The following KAZN variants were observed in gnomAD, a reference collection of about 807,000 sequenced individuals.
The protein encoded by KAZN is kazrin, periplakin interacting protein, also known as kazrin.
Under a neutral mutation model 87.4 loss-of-function variants are expected in KAZN, and 40 were observed. The observed-to-expected ratio is 0.46, with a 90% CI of 0.36 to 0.60. KAZN has a LOEUF of 0.60. Among genes scored for constraint, KAZN ranks in the 20% least tolerant of loss-of-function variants. KAZN has a pLI of 0.00. For missense variants in KAZN, 898 were observed against 1,073.9 expected (o/e 0.84, Z 2.29); for synonymous variants, 466 against 458.3 (o/e 1.02, Z -0.22).
chr1:14,685,195 T>A (rs142129483), intron 1 of KAZN, among the ~76,000 whole-genome samples: 57 of 152,342 alleles, frequency 3.7e-4, no homozygotes, highest in African/African-American at 1.4e-3. Flanking sequence ...TGAGTTTCCA[T>A]GCCAGCTCCC....
At chr1:14,324,640 C>T (rs76834592) in intron 2 of KAZN, among the ~76,000 whole-genome samples, 3,506 of 152,008 alleles carry the variant, frequency 0.023, 140 homozygotes, top group African/African-American at 0.08. Flanking sequence ...TATGGAGTGC[C>T]ATTCTACCAA....
At chr1:14,550,885 T>C (rs1286529091) in intron 2 of KAZN, among the ~76,000 whole-genome samples, 3 of 150,798 alleles carry the variant, frequency 2.0e-5, no homozygotes, top group Non-Finnish European at 3.0e-5. Context: ...CCTTGAACAG[T>C]GAACCACCCC....
chr1:15,030,235 C>T (rs1288553659), intron 2 of KAZN, among the ~76,000 whole-genome samples: 7 of 152,112 alleles, frequency 4.6e-5, no homozygotes, highest in African/African-American at 1.2e-4. Flanking sequence ...GCCTTCTGAC[C>T]GGGATGCATC....
chr1:14,538,506 G>A (rs1054842817), intron 2 of KAZN, among the ~76,000 whole-genome samples: 3 of 152,154 alleles, frequency 2.0e-5, no homozygotes, highest in Admixed American at 2.0e-4. Flanking sequence ...TGCATTCTCC[G>A]AGGGGAGAAA....
Position 15,021,396 on chromosome 1 carries a change from C to T in KAZN, c.419-13353C>T, listed in dbSNP as rs893847540. Among the ~76,000 whole-genome samples the T allele has an allele frequency of 1.3e-5, 2 of 152,234 alleles. No individual in the cohort carries two copies. Among genetic ancestry groups the T allele is most frequent in the South Asian group, 2.1e-4 (1 of 4,828 alleles). On this transcript the variant is annotated intron_variant, in intron 2 of 14. Transcript: ENST00000376030. This position sits in a 1 kb window ranked among gnomAD's most constrained non-coding sequence, Gnocchi z 4.2. ...AATGTCCGTGTTCCGGGCCCATTCC[C>T]TGCCACTATTTTTAGTGGTGATTGG...
intron 1 of KAZN, among the ~76,000 whole-genome samples, chr1:14,030,543 C>T (rs948434692): frequency 6.6e-6 from 1 of 151,706 alleles, no homozygotes; most frequent in African/African-American, 2.4e-5. Flanking sequence ...AACTAACCCG[C>T]ACAATGTGCA....
intron 2 of KAZN, among the ~76,000 whole-genome samples, chr1:14,525,712 T>A (rs574493672): frequency 6.6e-6 from 1 of 152,272 alleles, no homozygotes; most frequent in African/African-American, 2.4e-5. Context: ...TTGTTTGGCT[T>A]ACCAGATCAA....
intron 2 of KAZN, among the ~76,000 whole-genome samples, chr1:14,539,836 T>G (rs1672706261): frequency 6.6e-6 from 1 of 152,164 alleles, no homozygotes; most frequent in African/African-American, 2.4e-5. Context: ...GATAACAAAT[T>G]AACTTTCATA....
chr1:14,073,400 A>C (rs1230519926), intron 1 of KAZN, among the ~76,000 whole-genome samples: 1 of 152,100 alleles, frequency 6.6e-6, no homozygotes, highest in African/African-American at 2.4e-5. Flanking sequence ...CCTATCTTTA[A>C]AACAATTTTT....
intron 1 of KAZN, among the ~76,000 whole-genome samples, chr1:14,066,968 TTC>T (rs1234723220): frequency 1.3e-5 from 2 of 152,170 alleles, no homozygotes. Flanking sequence ...AAATGTCACT[TTC>T]TCTGAAACAT....
intron 2 of KAZN, among the ~76,000 whole-genome samples, chr1:14,457,243 T>C (rs1421743148): frequency 6.6e-6 from 1 of 152,224 alleles, no homozygotes; most frequent in Non-Finnish European, 1.5e-5. Context: ...TAGTGATAAT[T>C]CACTGTGGTT....
At chr1:14,391,663 C>A (rs1662435117) in intron 2 of KAZN, 1 of 152,156 alleles carries the variant, frequency 6.6e-6, no homozygotes, top group Non-Finnish European at 1.5e-5. Context: ...ACACTGGTAC[C>A]AACTCCCCCT....
At chr1:14,548,763 C>T (rs551500972) in intron 2 of KAZN, among the ~76,000 whole-genome samples, 16 of 141,276 alleles carry the variant, frequency 1.1e-4, no homozygotes, top group African/African-American at 4.1e-4. Context: ...TCTCTTTTCA[C>T]CATTAAAACA....
chr1:14,115,600 C>T (rs1228548230), intron 1 of KAZN, among the ~76,000 whole-genome samples: 1 of 152,174 alleles, frequency 6.6e-6, no homozygotes, highest in Non-Finnish European at 1.5e-5. Flanking sequence ...CAGTCCTAAG[C>T]ATGTCTTTAT....
At chr1:14,079,641 A>AC (rs1291335854) in intron 1 of KAZN, among the ~76,000 whole-genome samples, 6 of 152,252 alleles carry the variant, frequency 3.9e-5, no homozygotes, top group African/African-American at 1.4e-4. Flanking sequence ...CAAAGTCGAT[A>AC]TACTCACAGC....
chr1:14,229,029 C>T (rs148666446), intron 2 of KAZN, among the ~76,000 whole-genome samples: 226 of 152,318 alleles, frequency 1.5e-3, no homozygotes, highest in Middle Eastern at 0.01. Context: ...GAAGCAAGTC[C>T]AAAGCCTTGG....
At chr1:13,917,461 T>C (rs1382001408) in intron 1 of KAZN, among the ~76,000 whole-genome samples, 1 of 152,124 alleles carries the variant, frequency 6.6e-6, no homozygotes, top group African/African-American at 2.4e-5. Context: ...TTGAAGCCAA[T>C]GCTCATTTAC....
At chr1:14,135,770 C>A (rs942551972) in intron 1 of KAZN, among the ~76,000 whole-genome samples, 2 of 152,108 alleles carry the variant, frequency 1.3e-5, no homozygotes, top group Non-Finnish European at 2.9e-5. Context: ...GGAATTAATT[C>A]TAAAAGAGAA....
At chr1:14,636,835 G>T (rs917995202) in intron 1 of KAZN, among the ~76,000 whole-genome samples, 2 of 152,196 alleles carry the variant, frequency 1.3e-5, no homozygotes, top group South Asian at 2.1e-4. Context: ...TCCTCCTTAG[G>T]AGGGGAGAAA....
Sources: allele counts gnomAD v4.1 joint callset (sites outside exome capture counted in the v4.1 genomes callset), GRCh38; gene constraint gnomAD v4.1.1; non-coding constraint Gnocchi (gnomAD v3.1); transcripts MANE v1.5; gene names NCBI Gene and HGNC (gene_info 2026-07-23, HGNC 2026-07-21).